ASMTL: variants seen among roughly 807,000 people sequenced by gnomAD.
ASMTL encodes probable bifunctional dTTP/UTP pyrophosphatase/methyltransferase protein.
Under a neutral mutation model 60.3 loss-of-function variants are expected in ASMTL, and 57 were observed. The observed-to-expected ratio is 0.95, with a 90% CI of 0.76 to 1.18. The LOEUF (loss-of-function observed/expected upper bound fraction) is 1.18, where lower values mean the gene tolerates loss of function less well. Among genes scored for constraint, ASMTL ranks in the 50% most tolerant of loss-of-function variants. ASMTL has a pLI of 0.00. For synonymous variants in ASMTL, 419 were observed against 373.0 expected, an observed-to-expected ratio of 1.12 and a Z score of -1.42; for missense variants, 981 against 852.6, an observed-to-expected ratio of 1.15 and a Z score of -1.88.
intron 12 of ASMTL, among the ~76,000 whole-genome samples, chrX:1,406,524 A>G (rs2089851079): frequency 6.7e-6 from 1 of 150,222 alleles, no homozygotes; most frequent in Non-Finnish European, 1.5e-5. Context: ...GGATGCTTGA[A>G]TAGATGGTAG....
intron 12 of ASMTL, among the ~76,000 whole-genome samples, chrX:1,410,719 A>C (rs1447547018): frequency 6.9e-6 from 1 of 144,026 alleles, no homozygotes; most frequent in East Asian, 2.2e-4. Flanking sequence ...GTCTCAGAAA[A>C]AACTTCTTAA....
intron 2 of ASMTL, chrX:1,441,591 T>C (rs1251866468): frequency 5.2e-5 from 8 of 152,382 alleles, no homozygotes; most frequent in African/African-American, 1.7e-4. Flanking sequence ...GAGATTATAA[T>C]ACATAGTAAT....
intron 3 of ASMTL, among the ~76,000 whole-genome samples, chrX:1,438,544 G>A (rs1361133863): frequency 2.0e-5 from 3 of 152,072 alleles, no homozygotes; most frequent in Non-Finnish European, 4.4e-5. Context: ...ACGGAGTCTC[G>A]CTCTTGTCAC....
intron 6 of ASMTL, among the ~76,000 whole-genome samples, chrX:1,431,243 A>G (rs2090774636): frequency 7.8e-6 from 1 of 127,436 alleles, no homozygotes; most frequent in Non-Finnish European, 1.6e-5. Flanking sequence ...ATATTTATAT[A>G]TAATTATAAA....
chrX:1,414,427 T>C lies in ASMTL; in HGVS notation c.1523-1573A>G, dbSNP rs545105978. ...TTTCAGGGCTCATGATTTTAAACTT[T>C]AGCATTTCCGGCCGGGCGGGGTGTA... On this transcript the variant is annotated intron_variant, in intron 11 of 12. Coordinates refer to ENST00000381317, the MANE Select transcript of ASMTL (RefSeq NM_004192.4). 3.1e-4 allele frequency among the ~76,000 whole-genome samples: 47 copies of C among 152,196 alleles called. No homozygotes were observed. In the South Asian group the frequency reaches 3.9e-3, roughly 13 times the overall value.
Position 1,420,385 on chromosome X carries a change from C to G in ASMTL, c.1246-1271G>C, listed in dbSNP as rs1160447175. On this transcript the variant is annotated intron_variant, in intron 9 of 12. Coordinates refer to ENST00000381317, the MANE Select transcript of ASMTL (RefSeq NM_004192.4). The stretch of plus-strand genomic sequence containing the variant: ...TCTTTCTGTCTGCCTATCTCTCTCT[C>G]TGTGTCTCCCTGTCTGTATGTCTCT... 2.6e-5 allele frequency among the ~76,000 whole-genome samples: 4 copies of G among 152,134 alleles called. No individual in the cohort carries two copies. The South Asian group carries it at 6.2e-4, about 24-fold the overall frequency.
chrX:1,408,019 G>A (rs1451122705), intron 12 of ASMTL, among the ~76,000 whole-genome samples: 13 of 146,624 alleles, frequency 8.9e-5, no homozygotes, highest in Middle Eastern at 4.2e-3. Context: ...GGGCAACATC[G>A]CAAGATCCCA....
At position 1,403,470 on chromosome X, in the gene ASMTL, C is replaced by A; in HGVS notation, c.1665G>T (p.Val555=). 1.9e-6 allele frequency: 3 copies of A among 1,613,018 alleles called. No homozygotes were observed. The highest frequency in any genetic ancestry group is 2.5e-6 in the Non-Finnish European group (3 of 1,179,848). The change falls in exon 13 of 13, where the codon GTG becomes GTT. Residue 555 remains valine (V), a synonymous_variant. Transcript: ENST00000381317. Reference sequence around the variant, plus strand: ...TCTTCTCCTCATCCAGGAGCGTCTCCACCAGCAGCAGGCCGGCCCCTGAGG... The same window carrying A: ...TCTTCTCCTCATCCAGGAGCGTCTCAACCAGCAGCAGGCCGGCCCCTGAGG... ...SCKPGAGLLL[V]ETLLDEEKRV... is the part of the protein sequence containing the mutation.
At chrX:1,423,931 C>T (rs2090542599) in intron 8 of ASMTL, among the ~76,000 whole-genome samples, 1 of 151,390 alleles carries the variant, frequency 6.6e-6, no homozygotes, top group Non-Finnish European at 1.5e-5. Flanking sequence ...GATGGATCCA[C>T]TGATCCATGC....
At chrX:1,426,349 C>T (rs1243028618) in intron 7 of ASMTL, among the ~76,000 whole-genome samples, 1 of 152,140 alleles carries the variant, frequency 6.6e-6, no homozygotes, top group Admixed American at 6.5e-5. Flanking sequence ...ACCTTTATTC[C>T]TTATTCACTG....
At chrX:1,415,172 C>G (rs1320407398) in intron 11 of ASMTL, among the ~76,000 whole-genome samples, 1 of 72,722 alleles carries the variant, frequency 1.4e-5, no homozygotes, top group African/African-American at 4.3e-5. Flanking sequence ...AACTCCTGAC[C>G]TCAGGTGATC....
In ASMTL at chrX:1,407,230, G is replaced by C. The variant is rs1252199563; in HGVS notation, c.1646-3741C>G. 2.0e-5 allele frequency among the ~76,000 whole-genome samples: 3 copies of C among 150,170 alleles called. No individual in the cohort carries two copies. The East Asian group carries it at 6.0e-4, about 30-fold the overall frequency. On this transcript the variant is annotated intron_variant, in intron 12 of 12. Coordinates refer to ENST00000381317, the MANE Select transcript of ASMTL (RefSeq NM_004192.4). The stretch of plus-strand genomic sequence containing the variant: ...GCTGGGTGAATAGATGGTAGATGAT[G>C]GGTAGGTAGGTAGATGGATGGATGG...
Position 1,442,220 on chromosome X carries a change from T to C in ASMTL, c.191A>G (p.Gln64Arg), listed in dbSNP as rs759513446. Reference protein sequence around the residue: ...PYGYAMETAKQKALEVANRLY... With the variant: ...PYGYAMETAKRKALEVANRLY... ...CCGGTTGGCCACCTCCAGGGCCTTC[T>C]GCTTGGCGGTCTCCATGGCGTACCC... Residue 64 changes from glutamine (Q) to arginine (R), a missense_variant, in exon 2 of 13, where the codon CAG (glutamine) becomes CGG (arginine). Physicochemically the swap from Gln to Arg is conservative, Grantham distance 43. Transcript: ENST00000381317. The C allele has an allele frequency of 1.2e-6, 2 of 1,613,734 alleles. No homozygotes were observed. The highest frequency in any genetic ancestry group is 2.7e-5 in the African/African-American group (2 of 74,912).
chrX:1,420,629 A>G (rs1330839997), intron 9 of ASMTL, among the ~76,000 whole-genome samples: 1 of 152,048 alleles, frequency 6.6e-6, no homozygotes, highest in Admixed American at 6.6e-5. Flanking sequence ...GGACCCCACC[A>G]TATCTCACAC....
intron 1 of ASMTL, among the ~76,000 whole-genome samples, chrX:1,443,163 G>GTGGACACACACCA (rs1569534705): frequency 1.4e-5 from 2 of 142,164 alleles, no homozygotes; most frequent in South Asian, 2.2e-4. Flanking sequence ...GACACACACC[G>GTGGACACACACCA]CCATCGTGGA....
Position 1,442,239 on chromosome X carries a change from C to T in ASMTL, c.172G>A (p.Ala58Thr), listed in dbSNP as rs1429771988. The change falls in exon 2 of 13, where the codon GCC becomes ACC. Residue 58 changes from alanine to threonine, a missense_variant. Physicochemically the swap from Ala to Thr is moderately conservative, Grantham distance 58. Coordinates refer to ENST00000381317, the MANE Select transcript of ASMTL (RefSeq NM_004192.4). The part of the protein sequence containing the change: ...KASFATPYGY[A>T]METAKQKALE... ...GCCTTCTGCTTGGCGGTCTCCATGG[C>T]GTACCCATACGGAGTAGCGAAGGAG... is the stretch of plus-strand genomic sequence containing the variant. The T allele has an allele frequency of 2.7e-5, 44 of 1,613,732 alleles. No individual in the cohort carries two copies. The highest frequency in any genetic ancestry group is 3.5e-5 in the Non-Finnish European group (41 of 1,179,862).
chrX:1,434,158 C>A (rs1199116263), intron 5 of ASMTL, among the ~76,000 whole-genome samples: 1 of 152,084 alleles, frequency 6.6e-6, no homozygotes, highest in African/African-American at 2.4e-5. Flanking sequence ...AAGAACCCAG[C>A]AATATGGTGA....
rs1384386228 is a variant in ASMTL at position 1,421,579 on chromosome X, T to C, written c.1245+79A>G. 5 of 1,465,714 alleles carry C rather than the reference T, an allele frequency of 3.4e-6. No individual in the cohort carries two copies. The Admixed American group carries it at 6.9e-5, about 20-fold the overall frequency. 90.8% of individuals were successfully genotyped at this position (1,465,714 alleles called of 1,614,324 possible). A position where few individuals can be genotyped will look rare whatever the true frequency, so the allele number is the denominator to read the frequency against. Reference sequence around the variant, plus strand: ...CAGACTGGAGACAGACTGGTCAAGGTGCCTACTGATCTGTGTGTCAAAGTG... The same window carrying C: ...CAGACTGGAGACAGACTGGTCAAGGCGCCTACTGATCTGTGTGTCAAAGTG... On this transcript the variant is annotated intron_variant, in intron 9 of 12. Transcript: ENST00000381317.
chrX:1,425,550 C>G lies in ASMTL; in HGVS notation c.1035G>C (p.Met345Ile). The G allele has an allele frequency of 3.1e-6, 5 of 1,613,272 alleles. No homozygotes were observed. Among genetic ancestry groups the G allele is most frequent in the Non-Finnish European group, 4.2e-6 (5 of 1,179,762 alleles). Reference protein sequence around the residue: ...MERLLDICAAMGLLEKTEQGY... With the variant: ...MERLLDICAAIGLLEKTEQGY... ...CTTGCTCTGTCTTCTCCAGGAGCCC[C>G]ATGGCAGCACAGATGTCCAGAAGCC... is the stretch of plus-strand genomic sequence containing the variant. The change falls in exon 8 of 13, where the codon ATG becomes ATC. Residue 345 changes from methionine to isoleucine, a missense_variant. Physicochemically the swap from Met to Ile is conservative, Grantham distance 10. Coordinates refer to ENST00000381317, the MANE Select transcript of ASMTL (RefSeq NM_004192.4).
Sources: allele counts gnomAD v4.1 joint callset (sites outside exome capture counted in the v4.1 genomes callset), GRCh38; gene constraint gnomAD v4.1.1; transcripts MANE v1.5; gene names NCBI Gene and HGNC (gene_info 2026-07-23, HGNC 2026-07-21).